ABCC9: variants seen among roughly 807,000 people sequenced by gnomAD.
The protein encoded by ABCC9 is ATP-binding cassette sub-family C member 9.
Under a neutral mutation model 188.3 loss-of-function variants are expected in ABCC9, and 95 were observed. That is an observed-to-expected ratio of 0.50 (90% CI 0.43 to 0.60). The LOEUF is 0.60. ABCC9 is among the 20% of genes least tolerant of loss of function. ABCC9 has a pLI of 0.00. For missense variants in ABCC9, 1,102 were observed against 1,876.3 expected, an observed-to-expected ratio of 0.59 and a Z score of 7.62; for synonymous variants, 659 against 652.7, an observed-to-expected ratio of 1.01 and a Z score of -0.15.
chr12:21,921,565 T>A (rs1046160317), intron 5 of ABCC9, among the ~76,000 whole-genome samples: 3 of 152,082 alleles, frequency 2.0e-5, no homozygotes, highest in Admixed American at 6.6e-5. Context: ...GTGCAGAAGC[T>A]TTTTAACTTG....
At chr12:21,881,661 G>GC (rs1443788459) in intron 16 of ABCC9, among the ~76,000 whole-genome samples, 1 of 151,320 alleles carries the variant, frequency 6.6e-6, no homozygotes, top group African/African-American at 2.4e-5. Flanking sequence ...TCTTTTCATA[G>GC]CCCCTAGTTC....
Position 21,858,578 on chromosome 12 carries a change from CAA to C in ABCC9, c.2505+1006_2505+1007del, listed in dbSNP as rs11325700. Among the ~76,000 whole-genome samples, 626 of 136,686 alleles carry C rather than the reference CAA, an allele frequency of 4.6e-3. 2 individuals are homozygous for C. Among genetic ancestry groups the C allele is most frequent in the South Asian group, 0.012 (52 of 4,408 alleles). 89.7% of individuals were successfully genotyped at this position (136,686 alleles called of 152,430 possible). On this transcript the variant is annotated intron_variant, in intron 22 of 39. Coordinates refer to ENST00000261200, the MANE Select transcript of ABCC9 (RefSeq NM_020297.4). ...TGGGCAACAGAGCAAGAATCCATCTCAAAAAAAAAAAAAAATCTACAATTACA... is the reference window on the plus strand; with the variant it reads ...TGGGCAACAGAGCAAGAATCCATCTCAAAAAAAAAAAAATCTACAATTACA...
Position 21,807,383 on chromosome 12 carries a change from A to G in ABCC9, c.4412T>C (p.Ile1471Thr), listed in dbSNP as rs1164728736. The G allele has an allele frequency of 6.2e-7, 1 of 1,614,006 alleles. No homozygotes were observed. The highest frequency in any genetic ancestry group is 1.3e-5 in the African/African-American group (1 of 75,042). Residue 1471 changes from isoleucine to threonine, a missense_variant, in exon 38 of 40, where the codon ATT (isoleucine) becomes ACT (threonine). Physicochemically the swap from Ile to Thr is moderately conservative, Grantham distance 89. Coordinates refer to ENST00000261200, the MANE Select transcript of ABCC9 (RefSeq NM_020297.4). Reference sequence around the variant, plus strand: ...AATGGAAGCTGTTGCCTCATCCATAATAAGAATGCTGCTTTTGCGGACAAA... The same window carrying G: ...AATGGAAGCTGTTGCCTCATCCATAGTAAGAATGCTGCTTTTGCGGACAAA... ...RAFVRKSSIL[I>T]MDEATASIDM...
At chr12:21,862,526 T>C (rs969293234) in intron 20 of ABCC9, among the ~76,000 whole-genome samples, 2 of 152,208 alleles carry the variant, frequency 1.3e-5, no homozygotes, top group East Asian at 3.9e-4. Context: ...TAAAAGATGC[T>C]TGAAAGATGG....
In ABCC9 at chr12:21,845,722, G is replaced by C. The variant is rs1400367024; in HGVS notation, c.2977C>G (p.Leu993Val). 6.2e-7 allele frequency: 1 copy of C among 1,613,880 alleles called. No homozygotes were observed. The stretch of plus-strand genomic sequence containing the variant: ...TTAGAGAAAATCATCAGGATGAGCA[G>C]GAAGAATCCTCCAGATGTCAGGTAG... ...WRYLTSGGFF[L>V]LILMIFSKLL... is the part of the protein sequence containing the mutation. Residue 993 changes from leucine (L) to valine (V), a missense_variant, in exon 26 of 40, where the codon CTG becomes GTG. Leu to Val is a conservative substitution (Grantham distance 32). This residue lies in a region of ABCC9 where 131 missense variants were observed against 170.2 expected (regional missense o/e 0.77). Transcript: ENST00000261200.
chr12:21,802,376 T>A (rs888949693), intron 39 of ABCC9, among the ~76,000 whole-genome samples: 8 of 151,624 alleles, frequency 5.3e-5, no homozygotes, highest in African/African-American at 1.4e-4. Context: ...AAGATCAGTA[T>A]TGTTCAATAG....
chr12:21,873,695 C>T (rs769674303), intron 17 of ABCC9, among the ~76,000 whole-genome samples: 21 of 151,956 alleles, frequency 1.4e-4, no homozygotes, highest in East Asian at 1.9e-4. Flanking sequence ...CAAAACAGTA[C>T]GGTACTTGCA....
intron 31 of ABCC9, among the ~76,000 whole-genome samples, chr12:21,822,790 CAAAA>C (rs538002229): frequency 2.1e-3 from 175 of 84,254 alleles, no homozygotes; most frequent in Non-Finnish European, 3.2e-3. Flanking sequence ...GACTCCGTCT[CAAAA>C]AAAAAAAAAA....
chr12:21,805,853 AT>A (rs997270536), intron 39 of ABCC9, 144 bp downstream of exon 39: 30 of 802,116 alleles, frequency 3.7e-5, no homozygotes, highest in Non-Finnish European at 4.3e-5. Context: ...ACATCTTCGT[AT>A]TTTTTTTCTT....
intron 18 of ABCC9, among the ~76,000 whole-genome samples, 170 bp from the exon 19 acceptor site, chr12:21,864,647 T>G (rs2137531072): frequency 6.6e-6 from 1 of 152,312 alleles, no homozygotes; most frequent in Non-Finnish European, 1.5e-5. Context: ...GTATTCTTCT[T>G]TATGTCTTCA....
chr12:21,815,623 C>A, intron 34 of ABCC9, 140 bp downstream of exon 34: 1 of 999,028 alleles, frequency 1.0e-6, no homozygotes, highest in Non-Finnish European at 1.5e-6. Context: ...TCCCTTTTTT[C>A]TTTTATGCAG....
chr12:21,873,106 G>A (rs952486886), intron 17 of ABCC9, among the ~76,000 whole-genome samples: 2 of 151,812 alleles, frequency 1.3e-5, no homozygotes, highest in African/African-American at 2.4e-5. Flanking sequence ...GAAGAAGAGA[G>A]TGTCTTTGCA....
In ABCC9 at chr12:21,908,076, C is replaced by A; in HGVS notation, c.1455+1G>T. The stretch of plus-strand genomic sequence containing the variant: ...TTAAGTTTCCAAAAGATGTTACTTA[C>A]AAGTGTACTTTTCTGAGCCTCTGCC... On this transcript the variant is annotated splice_donor_variant, in intron 11 of 39. Transcript: ENST00000261200. LOFTEE classifies it high-confidence loss of function. The A allele has an allele frequency of 6.2e-7, 1 of 1,612,076 alleles. No homozygotes were observed. Among genetic ancestry groups the A allele is most frequent in the Non-Finnish European group, 8.5e-7 (1 of 1,178,660 alleles).
At chr12:21,938,023 C>A (rs923093864) in intron 2 of ABCC9, 7 of 152,164 alleles carry the variant, frequency 4.6e-5, no homozygotes, top group Non-Finnish European at 1.0e-4. Context: ...AGTACCTTTT[C>A]TTTCTTTCCT....
chr12:21,815,909 G>T lies in ABCC9; in HGVS notation c.3893-16C>A. 1 of 1,610,540 alleles carries T rather than the reference G, an allele frequency of 6.2e-7. No homozygotes were observed. The highest frequency in any genetic ancestry group is 1.1e-5 in the South Asian group (1 of 90,996). On this transcript the variant is annotated splice_polypyrimidine_tract_variant and intron_variant, in intron 33 of 39. Coordinates refer to ENST00000261200, the MANE Select transcript of ABCC9 (RefSeq NM_020297.4). ...TGAGAAGGATCTGGAGGATGGGATG[G>T]GGAAATAGACAGATAATAGGCAGAT...
chr12:21,817,163 GACAA>G lies in ABCC9; in HGVS notation c.3892+20_3892+23del, dbSNP rs1383480910. 1 of 1,609,546 alleles carries G rather than the reference GACAA, an allele frequency of 6.2e-7. No homozygotes were observed. ...TTGTTTAAAATAAATATTTAAGTGAGACAAACAATATTTAGAGCAATACCCATTG... is the reference window on the plus strand; with the variant it reads ...TTGTTTAAAATAAATATTTAAGTGAGACAATATTTAGAGCAATACCCATTG... On this transcript the variant is annotated intron_variant, in intron 33 of 39. Coordinates refer to ENST00000261200, the MANE Select transcript of ABCC9 (RefSeq NM_020297.4).
chr12:21,832,809 A>G (rs993288384), intron 30 of ABCC9, among the ~76,000 whole-genome samples: 2 of 152,204 alleles, frequency 1.3e-5, no homozygotes, highest in Non-Finnish European at 2.9e-5. Flanking sequence ...TATATGAAAA[A>G]GACAGTTGCA....
chr12:21,898,048 T>C (rs1947509478), intron 12 of ABCC9, among the ~76,000 whole-genome samples: 1 of 152,148 alleles, frequency 6.6e-6, no homozygotes, highest in Non-Finnish European at 1.5e-5. Flanking sequence ...ATGCCTGTAA[T>C]CCCACCACTT....
Position 21,814,632 on chromosome 12 carries a change from T to A in ABCC9, c.4102+12A>T. 6.2e-7 allele frequency: 1 copy of A among 1,613,028 alleles called. No homozygotes were observed. ...CCAAGTGGCCACTTAAAAAATTTAGTTAGCAACTCACCATCAAATATATCA... is the reference window on the plus strand; with the variant it reads ...CCAAGTGGCCACTTAAAAAATTTAGATAGCAACTCACCATCAAATATATCA... On this transcript the variant is annotated intron_variant, in intron 35 of 39. Coordinates refer to ENST00000261200, the MANE Select transcript of ABCC9 (RefSeq NM_020297.4).
Sources: allele counts gnomAD v4.1 joint callset (sites outside exome capture counted in the v4.1 genomes callset), GRCh38; gene constraint gnomAD v4.1.1; regional missense constraint gnomAD v4.1.1; transcripts MANE v1.5; gene names NCBI Gene and HGNC (gene_info 2026-07-23, HGNC 2026-07-21).